Variants in NPTN observed in about 807,000 individuals in gnomAD.
The protein encoded by NPTN is neuroplastin, also known as SDR-1.
In NPTN, 5 loss-of-function variants were observed where a neutral mutation model predicts 42.7. The observed-to-expected ratio is 0.12, with a 90% CI of 0.06 to 0.25. The LOEUF is 0.25. NPTN is among the 10% of genes least tolerant of loss of function. NPTN has a pLI of 1.00. For synonymous variants in NPTN, 180 were observed against 201.9 expected (o/e 0.89, Z 0.92); for missense variants, 307 against 525.4 (o/e 0.58, Z 4.06).
intron 1 of NPTN, among the ~76,000 whole-genome samples, chr15:73,618,831 T>C (rs1897985463): frequency 6.6e-6 from 1 of 151,914 alleles, no homozygotes; most frequent in African/African-American, 2.4e-5. Context: ...CAAGATCCTG[T>C]CTCAAACAAA....
intron 1 of NPTN, among the ~76,000 whole-genome samples, chr15:73,609,102 A>C (rs915115147): frequency 6.6e-6 from 1 of 152,216 alleles, no homozygotes; most frequent in Non-Finnish European, 1.5e-5. Context: ...CAAATGATTC[A>C]CCACTGAATG....
At chr15:73,589,344 A>G (rs1896478341) in intron 3 of NPTN, among the ~76,000 whole-genome samples, 1 of 152,080 alleles carries the variant, frequency 6.6e-6, no homozygotes. Flanking sequence ...AAAAAAAAGA[A>G]AAAAAGAAAA....
rs181762840 is a variant in NPTN, at chr15:73,585,316, C to A, written c.706+2208G>T. On this transcript the variant is annotated intron_variant, in intron 4 of 8. Transcript: ENST00000345330. ...ATTACTCAGCAGATTTTTCAGATCA[C>A]TACAGCTATAAAAAGATAACTGTCT... 2.0e-3 allele frequency among the ~76,000 whole-genome samples: 301 copies of A among 152,266 alleles called. 1 individual carries two copies. The highest frequency in any genetic ancestry group is 6.0e-3 in the African/African-American group (251 of 41,536).
intron 4 of NPTN, among the ~76,000 whole-genome samples, chr15:73,576,731 G>A (rs1447864058): frequency 6.6e-6 from 1 of 152,182 alleles, no homozygotes; most frequent in Non-Finnish European, 1.5e-5. Context: ...ACAAACCCAT[G>A]GCTGGGCTCG....
intron 1 of NPTN, among the ~76,000 whole-genome samples, chr15:73,608,069 A>T (rs1173528362): frequency 6.6e-6 from 1 of 152,272 alleles, no homozygotes; most frequent in Non-Finnish European, 1.5e-5. Context: ...GAAGTAGAGT[A>T]GCAAAAACAG....
At chr15:73,571,329 CT>C (rs1368655645) in intron 5 of NPTN, among the ~76,000 whole-genome samples, 1 of 152,068 alleles carries the variant, frequency 6.6e-6, no homozygotes, top group African/African-American at 2.4e-5. Flanking sequence ...TTATATCCTA[CT>C]AAGGGCAGGT....
At chr15:73,627,482 A>C (rs1317570060) in intron 1 of NPTN, among the ~76,000 whole-genome samples, 1 of 152,224 alleles carries the variant, frequency 6.6e-6, no homozygotes, top group East Asian at 1.9e-4. Context: ...AAGAAACACA[A>C]CAAGAAAACA....
chr15:73,573,776 G>T lies in NPTN; in HGVS notation c.726C>A (p.Gly242=), dbSNP rs778337708. Residue 242 remains glycine, a synonymous_variant, in exon 5 of 9, where the codon GGC becomes GGA. Coordinates refer to ENST00000345330, the MANE Select transcript of NPTN (RefSeq NM_012428.4). The part of the protein sequence containing the change: ...IEVKAAPDIT[G]HKRSENKNEG... ...CATTCTTGTTCTCACTCCGTTTATGGCCAGTGATGTCAGGAGCGGCTGTGA... is the reference window on the plus strand; with the variant it reads ...CATTCTTGTTCTCACTCCGTTTATGTCCAGTGATGTCAGGAGCGGCTGTGA... 1.0e-5 allele frequency: 16 copies of T among 1,603,402 alleles called. No homozygotes were observed. The African/African-American group carries it at 2.1e-4, about 22-fold the overall frequency.
intron 4 of NPTN, among the ~76,000 whole-genome samples, chr15:73,582,117 G>A (rs977226627): frequency 1.3e-5 from 2 of 152,194 alleles, no homozygotes; most frequent in Non-Finnish European, 2.9e-5. Context: ...GGGATTACAG[G>A]CTCAAGACAC....
chr15:73,565,726 G>A (rs568350772), intron 6 of NPTN: 13 of 456,284 alleles, frequency 2.8e-5, no homozygotes, highest in Non-Finnish European at 3.5e-5. Flanking sequence ...GGGGATAATG[G>A]AAACAAGATG....
intron 6 of NPTN, chr15:73,568,031 G>C: frequency 1.0e-6 from 1 of 985,402 alleles, no homozygotes; most frequent in Non-Finnish European, 1.2e-6. Context: ...CTAGGAAGCT[G>C]TTCAGATTTG....
chr15:73,562,308 A>C (rs1485720651), intron 7 of NPTN, among the ~76,000 whole-genome samples: 4 of 152,218 alleles, frequency 2.6e-5, no homozygotes, highest in African/African-American at 9.6e-5. Context: ...TGAGCACACA[A>C]AAAAAACTTC....
chr15:73,600,584 A>G (rs1434912019), intron 1 of NPTN, among the ~76,000 whole-genome samples: 1 of 152,242 alleles, frequency 6.6e-6, no homozygotes, highest in Non-Finnish European at 1.5e-5. Context: ...AAGTGAAAGC[A>G]TGGTCTCTTA....
At chr15:73,577,422 A>G (rs766478907) in intron 4 of NPTN, among the ~76,000 whole-genome samples, 1 of 152,222 alleles carries the variant, frequency 6.6e-6, no homozygotes, top group Non-Finnish European at 1.5e-5. Flanking sequence ...TATGACTGAG[A>G]CAGGGAAAGA....
chr15:73,599,726 T>C (rs1301579514), intron 1 of NPTN: 1 of 152,218 alleles, frequency 6.6e-6, no homozygotes, highest in Non-Finnish European at 1.5e-5. Context: ...GAAAACTGGA[T>C]ATCAGTAAAT....
At chr15:73,612,458 A>T (rs1015640944) in intron 1 of NPTN, among the ~76,000 whole-genome samples, 1 of 148,918 alleles carries the variant, frequency 6.7e-6, no homozygotes, top group South Asian at 2.1e-4. Flanking sequence ...AAAACATGGG[A>T]CTCTTAAACC....
chr15:73,568,541 A>G, intron 6 of NPTN: 1 of 985,480 alleles, frequency 1.0e-6, no homozygotes, highest in Non-Finnish European at 1.2e-6. Flanking sequence ...GGTCTAAATA[A>G]AGGTGCACTC....
rs112080365 is a variant in NPTN at position 73,628,434 on chromosome 15, G to A, written c.91+4691C>T. Among the ~76,000 whole-genome samples the A allele has an allele frequency of 2.0e-3, 306 of 152,242 alleles. 1 individual carries two copies. Among genetic ancestry groups the A allele is most frequent in the South Asian group, 2.5e-3 (12 of 4,828 alleles). ...TAAATTGAATAGAATACATCAGAAC[G>A]ATTTTCATAAAATTCACTTTTCCAA... On this transcript the variant is annotated intron_variant, in intron 1 of 8. Coordinates refer to ENST00000345330, the MANE Select transcript of NPTN (RefSeq NM_012428.4).
chr15:73,594,760 C>T (rs1896755297), intron 2 of NPTN, among the ~76,000 whole-genome samples: 1 of 152,080 alleles, frequency 6.6e-6, no homozygotes, highest in Admixed American at 6.5e-5. Flanking sequence ...ATATAAAGAA[C>T]ATGCTATGGC....
Sources: allele counts gnomAD v4.1 joint callset (sites outside exome capture counted in the v4.1 genomes callset), GRCh38; gene constraint gnomAD v4.1.1; transcripts MANE v1.5; gene names NCBI Gene and HGNC (gene_info 2026-07-23, HGNC 2026-07-21).